Variants in DIP2C observed in about 807,000 individuals in gnomAD.
DIP2C encodes DIP2 acetate--CoA ligase C (putative), also known as disco-interacting protein 2 homolog C.
A neutral mutation model predicts 192.4 loss-of-function variants in DIP2C; 33 were observed. The observed-to-expected ratio is 0.17, with a 90% confidence interval of 0.13 to 0.23. The LOEUF (loss-of-function observed/expected upper bound fraction) is 0.23. DIP2C is among the 10% of genes least tolerant of loss of function. DIP2C has a pLI of 1.00. For synonymous variants in DIP2C, 979 were observed against 864.1 expected (o/e 1.13, Z -2.33); for missense variants, 1,537 against 2,110.1 (o/e 0.73, Z 5.32).
chr10:463,940 A>C (rs1333615263), intron 3 of DIP2C, among the ~76,000 whole-genome samples: 1 of 152,216 alleles, frequency 6.6e-6, no homozygotes, highest in Non-Finnish European at 1.5e-5. Context: ...CAGGCTAGCC[A>C]TAAGCAGAAA....
At chr10:446,843 CT>C (rs1326813569) in intron 3 of DIP2C, among the ~76,000 whole-genome samples, 1 of 152,074 alleles carries the variant, frequency 6.6e-6, no homozygotes, top group Admixed American at 6.5e-5. Context: ...GGGTTTTCTC[CT>C]TTATTTTTTG....
intron 22 of DIP2C, among the ~76,000 whole-genome samples, chr10:361,120 A>G (rs1014145695): frequency 6.6e-6 from 1 of 152,180 alleles, no homozygotes; most frequent in Non-Finnish European, 1.5e-5. Context: ...AAAGACACAA[A>G]ATTATGTAAC....
At chr10:332,009 C>T (rs1444644309) in intron 29 of DIP2C, among the ~76,000 whole-genome samples, 1 of 152,152 alleles carries the variant, frequency 6.6e-6, no homozygotes, top group East Asian at 1.9e-4. Flanking sequence ...GTAGCCCTGA[C>T]CTCATGGGCT....
chr10:531,974 C>G (rs186822857), intron 1 of DIP2C, among the ~76,000 whole-genome samples: 1 of 152,202 alleles, frequency 6.6e-6, no homozygotes, highest in African/African-American at 2.4e-5. Flanking sequence ...ACAGAGAACA[C>G]AGGGTACCAA....
intron 2 of DIP2C, among the ~76,000 whole-genome samples, chr10:482,623 GAC>G (rs1843687185): frequency 6.6e-6 from 1 of 152,162 alleles, no homozygotes; most frequent in South Asian, 2.1e-4. Context: ...ACATTTCACA[GAC>G]AAACACATAA....
intron 1 of DIP2C, among the ~76,000 whole-genome samples, chr10:604,495 G>A (rs1447133716): frequency 6.6e-6 from 1 of 152,340 alleles, no homozygotes; most frequent in South Asian, 2.1e-4. Context: ...AAAGCAACCA[G>A]AAAGTAAGTA....
At chr10:432,759 CTTT>C (rs1289437977) in intron 4 of DIP2C, among the ~76,000 whole-genome samples, 6 of 152,034 alleles carry the variant, frequency 3.9e-5, no homozygotes, top group African/African-American at 7.2e-5. Flanking sequence ...GATTTCAGAT[CTTT>C]TTTAACATAT....
intron 32 of DIP2C, among the ~76,000 whole-genome samples, chr10:297,271 CA>C: frequency 6.7e-6 from 1 of 148,852 alleles, no homozygotes; most frequent in African/African-American, 2.5e-5. Context: ...CACACACACA[CA>C]CACCAAACTA....
At chr10:502,712 AAAC>A (rs1845323341) in intron 1 of DIP2C, among the ~76,000 whole-genome samples, 1 of 152,194 alleles carries the variant, frequency 6.6e-6, no homozygotes, top group Admixed American at 6.5e-5. Context: ...TAAATGTTAA[AAAC>A]AACACTATTT....
intron 3 of DIP2C, among the ~76,000 whole-genome samples, chr10:443,786 G>A (rs1471370632): frequency 3.3e-5 from 5 of 152,152 alleles, no homozygotes; most frequent in Non-Finnish European, 5.9e-5. Flanking sequence ...TAAGCCTGGA[G>A]ATACAGAAAT....
At chr10:614,582 A>G (rs1054482955) in intron 1 of DIP2C, among the ~76,000 whole-genome samples, 3 of 152,220 alleles carry the variant, frequency 2.0e-5, no homozygotes, top group African/African-American at 7.2e-5. Flanking sequence ...GAAACGTCCC[A>G]ATCTGCTCGG....
intron 1 of DIP2C, among the ~76,000 whole-genome samples, chr10:584,154 C>T (rs186124446): frequency 6.6e-6 from 1 of 152,296 alleles, no homozygotes; most frequent in Admixed American, 6.5e-5. Context: ...TGCACCCCCA[C>T]ATAACTAAAA....
At chr10:676,542 GAT>G (rs1830883988) in intron 1 of DIP2C, among the ~76,000 whole-genome samples, 1 of 150,240 alleles carries the variant, frequency 6.7e-6, no homozygotes, top group Non-Finnish European at 1.5e-5. Flanking sequence ...TCTTTGAACT[GAT>G]AAACAAATTC....
chr10:560,742 A>G (rs1376709649), intron 1 of DIP2C, among the ~76,000 whole-genome samples: 1 of 152,084 alleles, frequency 6.6e-6, no homozygotes, highest in Non-Finnish European at 1.5e-5. Context: ...GGCCATCTCA[A>G]CAGCCCCTAC....
At chr10:553,691 C>T (rs959595737) in intron 1 of DIP2C, among the ~76,000 whole-genome samples, 4 of 151,902 alleles carry the variant, frequency 2.6e-5, no homozygotes, top group African/African-American at 7.3e-5. Flanking sequence ...TTAAGAGTGG[C>T]GAACAAGCAA....
chr10:662,741 T>G, intron 1 of DIP2C: 1 of 611,800 alleles, frequency 1.6e-6, no homozygotes, highest in Non-Finnish European at 3.0e-6. Context: ...TTTTTAAAGG[T>G]TTCAAATCTA....
In DIP2C at chr10:385,387, G is replaced by A. The variant is rs141164993; in HGVS notation, c.1663-748C>T. Among the ~76,000 whole-genome samples, 32 of 152,320 alleles carry A rather than the reference G, an allele frequency of 2.1e-4. No individual in the cohort carries two copies. In the East Asian group the frequency reaches 5.2e-3, roughly 25 times the overall value. On this transcript the variant is annotated intron_variant, in intron 14 of 36. Transcript: ENST00000280886. ...TGCTTTCCCTAAACTACTCCTGACAGAATTAAGTAATTTAAGTCCAAATCT... is the reference window on the plus strand; with the variant it reads ...TGCTTTCCCTAAACTACTCCTGACAAAATTAAGTAATTTAAGTCCAAATCT...
intron 1 of DIP2C, among the ~76,000 whole-genome samples, chr10:684,912 C>A (rs1831255067): frequency 6.6e-6 from 1 of 151,888 alleles, no homozygotes; most frequent in Non-Finnish European, 1.5e-5. Context: ...GCAGGGGGAT[C>A]ACCTGAGGTC....
intron 17 of DIP2C, among the ~76,000 whole-genome samples, chr10:373,813 C>G (rs1192733845): frequency 1.3e-5 from 2 of 152,142 alleles, no homozygotes; most frequent in Non-Finnish European, 2.9e-5. Context: ...AAATGCTAAA[C>G]CGTCACAGCT....
Sources: gnomAD v4.1 joint callset for allele counts (sites outside exome capture counted in the v4.1 genomes callset) on GRCh38, gnomAD v4.1.1 for gene constraint, MANE v1.5 for transcripts, NCBI Gene and HGNC (gene_info 2026-07-23, HGNC 2026-07-21) for gene names.